Variants in USH2A observed in about 807,000 individuals in gnomAD.
USH2A encodes the protein Usher syndrome 2A (autosomal recessive, mild).
USH2A carries 443 observed loss-of-function variants against 538.9 expected under a neutral mutation model. That is an observed-to-expected ratio of 0.82 (90% CI 0.76 to 0.89). USH2A has a LOEUF of 0.89. Among genes scored for constraint, USH2A ranks in the 40% least tolerant of loss-of-function variants. The pLI is 0.00. For synonymous variants in USH2A, 2,413 were observed against 2,273.5 expected (o/e 1.06, Z -1.75); for missense variants, 6,633 against 6,324.8 (o/e 1.05, Z -1.65).
At chr1:216,286,369 C>A (rs987327276) in intron 11 of USH2A, among the ~76,000 whole-genome samples, 2 of 152,160 alleles carry the variant, frequency 1.3e-5, no homozygotes, top group African/African-American at 4.8e-5. Flanking sequence ...CATGCCTTTG[C>A]TTCTCCTTTG....
chr1:216,357,098 C>T (rs1271324405), intron 4 of USH2A, among the ~76,000 whole-genome samples: 2 of 152,036 alleles, frequency 1.3e-5, no homozygotes, highest in Non-Finnish European at 1.5e-5. Context: ...CCTTCATTTT[C>T]CTCTACTACC....
chr1:216,030,643 G>GAT lies in USH2A; in HGVS notation c.6325+15786_6325+15787dup, dbSNP rs373580021. Among the ~76,000 whole-genome samples the GAT allele has an allele frequency of 2.0e-3, 269 of 136,904 alleles. 5 individuals carry two copies. In the South Asian group the frequency reaches 0.029, roughly 15 times the overall value. 89.8% of individuals were successfully genotyped at this position (136,904 alleles called of 152,430 possible). A position where few individuals can be genotyped will look rare whatever the true frequency, so the allele number is the denominator to read the frequency against. On this transcript the variant is annotated intron_variant, in intron 32 of 71. Transcript: ENST00000307340. The stretch of plus-strand genomic sequence containing the variant: ...TATATCACAGATATATAATATATAC[G>GAT]ATATATATATATAAATCAAAATACA...
At chr1:215,957,106 T>A (rs6540921) in intron 37 of USH2A, among the ~76,000 whole-genome samples, 22,621 of 152,224 alleles carry the variant, frequency 0.15, 1,889 homozygotes, top group African/African-American at 0.22. Context: ...CAGAAAGATA[T>A]AATAACTATA....
At chr1:215,969,739 C>A (rs557053206) in intron 36 of USH2A, among the ~76,000 whole-genome samples, 9 of 151,946 alleles carry the variant, frequency 5.9e-5, no homozygotes, top group African/African-American at 1.9e-4. Flanking sequence ...GAGGTGTGAT[C>A]AAAAATAAGG....
At chr1:216,044,429 C>T (rs1389873013) in intron 32 of USH2A, among the ~76,000 whole-genome samples, 2 of 151,996 alleles carry the variant, frequency 1.3e-5, no homozygotes, top group East Asian at 1.9e-4. Flanking sequence ...TGTAAAGTTC[C>T]TTCCATGGTG....
intron 14 of USH2A, among the ~76,000 whole-genome samples, chr1:216,219,291 T>C (rs2035406904): frequency 6.6e-6 from 1 of 152,100 alleles, no homozygotes; most frequent in Non-Finnish European, 1.5e-5. Flanking sequence ...TTATAATCAC[T>C]TGACTTCAGT....
In USH2A at chr1:215,790,255, A is replaced by T; in HGVS notation, c.9986T>A (p.Val3329Glu). ...GCAGCATATGGTATCTGACATATTC[A>T]CATAATCCTGCCCACAACAGAACAT... ...PGMFCCGQDY[V>E]NMSDTICCSA... is the part of the protein sequence containing the mutation. Residue 3329 changes from valine (V) to glutamate (E), a missense_variant, in exon 51 of 72, where the codon GTG (valine) becomes GAG (glutamate). Transcript: ENST00000307340. 6.2e-7 allele frequency: 1 copy of T among 1,614,030 alleles called. No individual in the cohort carries two copies. The highest frequency in any genetic ancestry group is 1.3e-5 in the African/African-American group (1 of 75,024).
At chr1:216,369,883 A>G (rs917828334) in intron 3 of USH2A, among the ~76,000 whole-genome samples, 5 of 145,146 alleles carry the variant, frequency 3.4e-5, no homozygotes, top group African/African-American at 5.3e-5. Context: ...AGATGGCGCC[A>G]TTGCACTACA....
intron 38 of USH2A, among the ~76,000 whole-genome samples, chr1:215,907,881 T>A (rs1031391055): frequency 2.6e-5 from 4 of 151,936 alleles, no homozygotes; most frequent in African/African-American, 9.7e-5. Flanking sequence ...GGGGGAAAGA[T>A]GGATGAGTTG....
chr1:215,637,028 C>T (rs1162325363), intron 69 of USH2A, among the ~76,000 whole-genome samples: 1 of 152,014 alleles, frequency 6.6e-6, no homozygotes, highest in Non-Finnish European at 1.5e-5. Flanking sequence ...AGTACCCCTT[C>T]ACCTTAAGGG....
At chr1:216,196,000 A>T in intron 19 of USH2A, 1 of 173,862 alleles carries the variant, frequency 5.8e-6, no homozygotes. Context: ...TATTCTCACT[A>T]CTGCTAGCTG....
At chr1:216,227,559 A>T (rs2035586195) in intron 14 of USH2A, among the ~76,000 whole-genome samples, 1 of 152,192 alleles carries the variant, frequency 6.6e-6, no homozygotes, top group African/African-American at 2.4e-5. Flanking sequence ...CAAGAGTAGG[A>T]AAACAGGAAG....
intron 22 of USH2A, among the ~76,000 whole-genome samples, chr1:216,089,684 C>T (rs1446023629): frequency 1.3e-5 from 2 of 151,784 alleles, no homozygotes; most frequent in African/African-American, 4.8e-5. Flanking sequence ...GTACACAATG[C>T]TTTGTAGTTA....
rs576944991 is a variant in USH2A at position 216,084,476 on chromosome 1, G to A, written c.5167+222C>T. Among the ~76,000 whole-genome samples, 4 of 152,196 alleles carry A rather than the reference G, an allele frequency of 2.6e-5. No homozygotes were observed. In the East Asian group the frequency reaches 7.7e-4, roughly 29 times the overall value. On this transcript the variant is annotated intron_variant, in intron 25 of 71. Transcript: ENST00000307340. ...CATATGTAAATCAAGAACTGCATGAGTTACCAGAGATATCATACATGGATG... is the reference window on the plus strand; with the variant it reads ...CATATGTAAATCAAGAACTGCATGAATTACCAGAGATATCATACATGGATG...
chr1:215,714,944 T>C (rs1659441771), intron 61 of USH2A, among the ~76,000 whole-genome samples: 1 of 152,234 alleles, frequency 6.6e-6, no homozygotes, highest in African/African-American at 2.4e-5. Flanking sequence ...AAGCTTCCTC[T>C]TAATATCATG....
At chr1:216,243,881 AAAG>A (rs1156809746) in intron 13 of USH2A, among the ~76,000 whole-genome samples, 1 of 152,220 alleles carries the variant, frequency 6.6e-6, no homozygotes, top group Non-Finnish European at 1.5e-5. Flanking sequence ...TCTTCAGAAA[AAAG>A]AAGCATAATT....
intron 31 of USH2A, among the ~76,000 whole-genome samples, chr1:216,047,242 C>T (rs559698566): frequency 6.6e-6 from 1 of 152,028 alleles, no homozygotes; most frequent in African/African-American, 2.4e-5. Flanking sequence ...GAAATATAAA[C>T]AAGAGCAGGG....
chr1:215,853,125 C>G (rs1664062663), intron 44 of USH2A, among the ~76,000 whole-genome samples: 1 of 152,246 alleles, frequency 6.6e-6, no homozygotes, highest in Admixed American at 6.5e-5. Flanking sequence ...AAACTTCTAT[C>G]TGGATATCCA....
intron 22 of USH2A, among the ~76,000 whole-genome samples, chr1:216,091,217 A>G (rs2032293763): frequency 6.6e-6 from 1 of 152,194 alleles, no homozygotes; most frequent in Middle Eastern, 3.2e-3. Context: ...GGAACATATC[A>G]GACACATTCA....
Sources: gnomAD v4.1 joint callset for allele counts (sites outside exome capture counted in the v4.1 genomes callset) on GRCh38, gnomAD v4.1.1 for gene constraint, MANE v1.5 for transcripts, NCBI Gene and HGNC (gene_info 2026-07-23, HGNC 2026-07-21) for gene names.